The following ADGRB3 variants were observed in gnomAD, a reference collection of about 807,000 sequenced individuals.
ADGRB3 encodes the protein brain-specific angiogenesis inhibitor 3.
In ADGRB3, 37 loss-of-function variants were observed where a neutral mutation model predicts 193.4. That is an observed-to-expected ratio of 0.19 (90% CI 0.15 to 0.25). ADGRB3 has a LOEUF of 0.25. Among genes scored for constraint, ADGRB3 ranks in the 10% least tolerant of loss-of-function variants. The pLI is 1.00. For synonymous variants in ADGRB3, 690 were observed against 644.2 expected, an observed-to-expected ratio of 1.07 and a Z score of -1.08; for missense variants, 1,637 against 1,852.9, an observed-to-expected ratio of 0.88 and a Z score of 2.14.
intron 17 of ADGRB3, among the ~76,000 whole-genome samples, chr6:69,118,420 A>T (rs769924531): frequency 1.3e-5 from 2 of 150,252 alleles, no homozygotes; most frequent in Non-Finnish European, 3.0e-5. Flanking sequence ...GAAGATGCCT[A>T]CAAGAGATAA....
At chr6:68,861,768 A>T (rs1358013199) in intron 3 of ADGRB3, among the ~76,000 whole-genome samples, 1 of 152,108 alleles carries the variant, frequency 6.6e-6, no homozygotes, top group African/African-American at 2.4e-5. Flanking sequence ...GTAATCTTGG[A>T]GTCAAATGTT....
chr6:69,093,002 C>T (rs868627621), intron 17 of ADGRB3, among the ~76,000 whole-genome samples: 32 of 148,216 alleles, frequency 2.2e-4, no homozygotes, highest in Middle Eastern at 3.7e-3. Flanking sequence ...AGTAGGAAGC[C>T]GACATTCAGG....
intron 20 of ADGRB3, among the ~76,000 whole-genome samples, chr6:69,263,494 C>A (rs1766972481): frequency 6.6e-6 from 1 of 151,982 alleles, no homozygotes; most frequent in Non-Finnish European, 1.5e-5. Flanking sequence ...TTCCTAACAG[C>A]ACAGTGTTGG....
At chr6:68,843,531 C>T (rs1414751084) in intron 3 of ADGRB3, among the ~76,000 whole-genome samples, 3 of 151,912 alleles carry the variant, frequency 2.0e-5, no homozygotes, top group South Asian at 2.1e-4. Flanking sequence ...ATGACCCTAA[C>T]AAATGGAAAG....
At position 69,350,974 on chromosome 6, in the gene ADGRB3, A is replaced by T. The variant is rs189615900; in HGVS notation, c.3460-3259A>T. On this transcript the variant is annotated intron_variant, in intron 26 of 31. Transcript: ENST00000370598. The stretch of plus-strand genomic sequence containing the variant: ...CGTTTTCCAGATACCATCTTGCCTG[A>T]AGTATTCTATTCTGTGATAAGAAAT... 3.0e-4 allele frequency among the ~76,000 whole-genome samples: 45 copies of T among 152,198 alleles called. No individual in the cohort carries two copies. The East Asian group carries it at 8.3e-3, about 28-fold the overall frequency.
At chr6:68,970,294 T>C (rs1768520716) in intron 8 of ADGRB3, among the ~76,000 whole-genome samples, 1 of 151,924 alleles carries the variant, frequency 6.6e-6, no homozygotes, top group South Asian at 2.1e-4. Context: ...TTCTTTCTTT[T>C]TTTTTTTTTA....
At chr6:68,752,620 C>T (rs2127347761) in intron 3 of ADGRB3, among the ~76,000 whole-genome samples, 1 of 152,164 alleles carries the variant, frequency 6.6e-6, no homozygotes, top group South Asian at 2.1e-4. Context: ...ATTAGCAAGA[C>T]TAAGAAGTAC....
chr6:69,232,037 A>G (rs1174782568), intron 17 of ADGRB3, among the ~76,000 whole-genome samples: 1 of 152,156 alleles, frequency 6.6e-6, no homozygotes, highest in Non-Finnish European at 1.5e-5. Context: ...GAGATGGAGG[A>G]AGCAAAATCA....
intron 3 of ADGRB3, among the ~76,000 whole-genome samples, chr6:68,872,007 A>G (rs550348): frequency 0.21 from 32,033 of 151,888 alleles, 3,951 homozygotes; most frequent in East Asian, 0.58. Context: ...ATATTTTTTC[A>G]TTGATATGAC....
chr6:69,297,404 C>G (rs1326446115), intron 20 of ADGRB3, among the ~76,000 whole-genome samples: 1 of 144,904 alleles, frequency 6.9e-6, no homozygotes, highest in South Asian at 2.2e-4. Flanking sequence ...CTCTCTCTCT[C>G]TCTCTCTATA....
At chr6:68,960,012 C>T (rs781611782) in intron 8 of ADGRB3, among the ~76,000 whole-genome samples, 1 of 151,982 alleles carries the variant, frequency 6.6e-6, no homozygotes, top group African/African-American at 2.4e-5. Flanking sequence ...CCCAATATTC[C>T]CCTGGTTAAT....
intron 15 of ADGRB3, 76 bp from the exon 16 acceptor site, chr6:69,062,858 C>T (rs1771788279): frequency 1.9e-6 from 2 of 1,041,110 alleles, no homozygotes; most frequent in Non-Finnish European, 2.9e-6. Flanking sequence ...GAAACCATCC[C>T]AAAATGTATT....
intron 17 of ADGRB3, among the ~76,000 whole-genome samples, chr6:69,172,643 C>CAAAAAAAAAAAAAAAAAAAAAAA (rs70987454): frequency 1.3e-3 from 34 of 26,820 alleles, no homozygotes; most frequent in Non-Finnish European, 1.5e-3. Context: ...GACTCTGTCT[C>CAAAAAAAAAAAAAAAAAAAAAAA]AAAAAAAAAA....
intron 3 of ADGRB3, among the ~76,000 whole-genome samples, chr6:68,745,042 G>C (rs187868316): frequency 1.3e-5 from 2 of 152,184 alleles, no homozygotes; most frequent in East Asian, 3.9e-4. Context: ...CTGTGGGTGA[G>C]TGGTTACACT....
At chr6:69,070,076 C>T (rs1194763810) in intron 16 of ADGRB3, among the ~76,000 whole-genome samples, 4 of 152,156 alleles carry the variant, frequency 2.6e-5, no homozygotes, top group African/African-American at 9.7e-5. Flanking sequence ...TCTGTAACAT[C>T]TGACTCAGAG....
chr6:69,352,169 T>C (rs900830637), intron 26 of ADGRB3, among the ~76,000 whole-genome samples: 1 of 152,210 alleles, frequency 6.6e-6, no homozygotes. Context: ...AAAGTAATGA[T>C]CTGACAAAGA....
chr6:68,732,413 C>A (rs1765791026), intron 3 of ADGRB3, among the ~76,000 whole-genome samples: 1 of 151,776 alleles, frequency 6.6e-6, no homozygotes, highest in Non-Finnish European at 1.5e-5. Context: ...ACACACTGAA[C>A]TATTTATAAA....
chr6:69,203,535 A>G (rs2038998), intron 17 of ADGRB3, among the ~76,000 whole-genome samples: 21,354 of 151,650 alleles, frequency 0.14, 1,560 homozygotes, highest in Middle Eastern at 0.16. Flanking sequence ...AAGTCATATC[A>G]TTGTTTCTTA....
intron 17 of ADGRB3, among the ~76,000 whole-genome samples, chr6:69,097,435 G>A (rs992367533): frequency 2.0e-5 from 3 of 151,922 alleles, no homozygotes; most frequent in African/African-American, 7.3e-5. Context: ...AATTCCTCTG[G>A]TATCATTAAA....
Sources: allele counts gnomAD v4.1 joint callset (sites outside exome capture counted in the v4.1 genomes callset), GRCh38; gene constraint gnomAD v4.1.1; transcripts MANE v1.5; gene names NCBI Gene and HGNC (gene_info 2026-07-23, HGNC 2026-07-21).